Variants in RNF180 observed in about 807,000 individuals in gnomAD.
RNF180 encodes ring finger protein 180.
A neutral mutation model predicts 59.2 loss-of-function variants in RNF180; 38 were observed. That is an observed-to-expected ratio of 0.64 (90% CI 0.50 to 0.84). RNF180 has a LOEUF of 0.84. Ranked by LOEUF, RNF180 falls within the 40% of genes least tolerant of loss-of-function variation. The pLI is 0.00. For missense variants in RNF180, 705 were observed against 700.9 expected (o/e 1.01, Z -0.07); for synonymous variants, 262 against 240.3 (o/e 1.09, Z -0.84).
intron 5 of RNF180, among the ~76,000 whole-genome samples, chr5:64,296,778 T>C (rs1742905072): frequency 6.6e-6 from 1 of 152,196 alleles, no homozygotes; most frequent in Non-Finnish European, 1.5e-5. Flanking sequence ...AAATGCATAG[T>C]TGGAGCTTCT....
intron 5 of RNF180, among the ~76,000 whole-genome samples, chr5:64,302,035 C>T (rs1743187022): frequency 6.6e-6 from 1 of 151,630 alleles, no homozygotes; most frequent in Non-Finnish European, 1.5e-5. Context: ...ACCCACTCCA[C>T]AAGGTATATA....
intron 5 of RNF180, among the ~76,000 whole-genome samples, chr5:64,274,765 A>T (rs1741620835): frequency 6.6e-6 from 1 of 151,982 alleles, no homozygotes; most frequent in East Asian, 1.9e-4. Flanking sequence ...TCCTCAGACC[A>T]AACAGCCTTC....
chr5:64,265,935 C>A (rs965167454), intron 5 of RNF180, among the ~76,000 whole-genome samples: 3 of 152,118 alleles, frequency 2.0e-5, no homozygotes, highest in African/African-American at 7.2e-5. Flanking sequence ...AGGTCCTTCA[C>A]GTCCCTTGTA....
intron 1 of RNF180, among the ~76,000 whole-genome samples, chr5:64,173,596 C>T (rs1402817858): frequency 6.6e-6 from 1 of 152,078 alleles, no homozygotes; most frequent in Non-Finnish European, 1.5e-5. Context: ...CAAGTTCGTA[C>T]CTATTGACCA....
chr5:64,318,481 T>C (rs1030539746), intron 5 of RNF180, among the ~76,000 whole-genome samples: 1 of 152,174 alleles, frequency 6.6e-6, no homozygotes, highest in African/African-American at 2.4e-5. Flanking sequence ...TTCCATTTAA[T>C]ATTTTCAGGT....
chr5:64,168,162 C>A (rs1749749074), intron 1 of RNF180, among the ~76,000 whole-genome samples: 1 of 152,136 alleles, frequency 6.6e-6, no homozygotes, highest in Non-Finnish European at 1.5e-5. Flanking sequence ...TGATAACATT[C>A]ATAAACACTT....
In RNF180 at chr5:64,344,526, G is replaced by GA. The variant is rs768866161; in HGVS notation, c.1579+14129dup. ...AACACATCTATCTCAGGAACTGCTAGAAAAAAAAACACACACAATGATGGT... is the reference window on the plus strand; with the variant it reads ...AACACATCTATCTCAGGAACTGCTAGAAAAAAAAAACACACACAATGATGGT... On this transcript the variant is annotated intron_variant, in intron 7 of 7. Transcript: ENST00000389100. 1.9e-4 allele frequency among the ~76,000 whole-genome samples: 22 copies of GA among 113,166 alleles called. 1 individual carries two copies. In the East Asian group the frequency reaches 4.1e-3, roughly 21 times the overall value. 74.2% of individuals were successfully genotyped at this position (113,166 alleles called of 152,430 possible). A position where few individuals can be genotyped will look rare whatever the true frequency, so the allele number is the denominator to read the frequency against.
chr5:64,367,717 A>G (rs971494822), intron 7 of RNF180, among the ~76,000 whole-genome samples: 5 of 151,682 alleles, frequency 3.3e-5, no homozygotes, highest in African/African-American at 7.2e-5. Flanking sequence ...ACATTACTCA[A>G]TTGTTATAAT....
At chr5:64,234,756 C>T (rs535977068) in intron 5 of RNF180, among the ~76,000 whole-genome samples, 19 of 151,286 alleles carry the variant, frequency 1.3e-4, no homozygotes, top group African/African-American at 3.6e-4. Flanking sequence ...CCCGCCACCA[C>T]GCCTGGCTAA....
intron 5 of RNF180, among the ~76,000 whole-genome samples, chr5:64,265,722 G>C (rs1312917897): frequency 2.0e-5 from 3 of 151,946 alleles, no homozygotes; most frequent in Admixed American, 2.0e-4. Context: ...CTTTTTTGGT[G>C]CCATATGAAA....
chr5:64,223,889 A>T (rs1253047385), intron 5 of RNF180, among the ~76,000 whole-genome samples: 1 of 152,012 alleles, frequency 6.6e-6, no homozygotes, highest in East Asian at 1.9e-4. Flanking sequence ...TTCAGTAATC[A>T]TTTTCTTGGG....
chr5:64,209,957 C>A (rs778646208), intron 2 of RNF180, among the ~76,000 whole-genome samples: 1 of 152,034 alleles, frequency 6.6e-6, no homozygotes, highest in Non-Finnish European at 1.5e-5. Flanking sequence ...TGAGTCACTT[C>A]CAATAGGTTT....
intron 5 of RNF180, among the ~76,000 whole-genome samples, chr5:64,306,013 G>T (rs1431574910): frequency 3.3e-5 from 5 of 151,426 alleles, no homozygotes; most frequent in African/African-American, 1.2e-4. Flanking sequence ...TCAATGGAGT[G>T]GACATATTTT....
chr5:64,202,964 ACT>A (rs1029051084), intron 2 of RNF180, among the ~76,000 whole-genome samples: 4 of 151,806 alleles, frequency 2.6e-5, no homozygotes, highest in African/African-American at 9.7e-5. Flanking sequence ...TAACCTCCAC[ACT>A]CTCTGCTGCC....
intron 5 of RNF180, among the ~76,000 whole-genome samples, chr5:64,279,201 C>CTT (rs1318944279): frequency 6.6e-6 from 1 of 152,118 alleles, no homozygotes; most frequent in Non-Finnish European, 1.5e-5. Flanking sequence ...AACTGGATAA[C>CTT]TTTAAGAGAT....
At chr5:64,355,448 G>A (rs1745978593) in intron 7 of RNF180, among the ~76,000 whole-genome samples, 1 of 151,924 alleles carries the variant, frequency 6.6e-6, no homozygotes, top group Non-Finnish European at 1.5e-5. Context: ...CTGTGTTGAT[G>A]CATTAGAAGA....
At chr5:64,323,971 G>A (rs898348271) in intron 5 of RNF180, among the ~76,000 whole-genome samples, 1 of 152,112 alleles carries the variant, frequency 6.6e-6, no homozygotes, top group Admixed American at 6.5e-5. Flanking sequence ...TGGATGCAAA[G>A]GTAATTGCAG....
At chr5:64,217,456 A>G (rs1752692626) in intron 5 of RNF180, 60 bp downstream of exon 5, 2 of 1,328,902 alleles carry the variant, frequency 1.5e-6, no homozygotes, top group Non-Finnish European at 1.9e-6. Context: ...TGGCTGTACC[A>G]TTTTGCATTC....
chr5:64,324,812 T>C (rs1744554352), intron 5 of RNF180, among the ~76,000 whole-genome samples: 1 of 152,236 alleles, frequency 6.6e-6, no homozygotes, highest in Non-Finnish European at 1.5e-5. Flanking sequence ...ATATTAAAAC[T>C]CTATAACCTT....
Sources: allele counts gnomAD v4.1 joint callset (sites outside exome capture counted in the v4.1 genomes callset), GRCh38; gene constraint gnomAD v4.1.1; transcripts MANE v1.5; gene names NCBI Gene and HGNC (gene_info 2026-07-23, HGNC 2026-07-21).